The following WDFY3 variants were observed in gnomAD, a reference collection of about 807,000 sequenced individuals.
WDFY3 encodes the protein WD repeat and FYVE domain containing 3, also known as WD repeat and FYVE domain-containing protein 3.
A neutral mutation model predicts 409.6 loss-of-function variants in WDFY3; 66 were observed. The observed-to-expected ratio is 0.16, with a 90% CI of 0.13 to 0.20. The LOEUF is 0.20. Ranked by LOEUF, WDFY3 falls within the 10% of genes least tolerant of loss-of-function variation. The probability of loss-of-function intolerance (pLI) is 1.00; values close to 1 mark genes in which losing one functional copy is unlikely to be tolerated. For synonymous variants in WDFY3, 1,521 were observed against 1,537.1 expected, an observed-to-expected ratio of 0.99 and a Z score of 0.25; for missense variants, 3,031 against 4,298.1, an observed-to-expected ratio of 0.71 and a Z score of 8.24.
At chr4:84,754,932 C>T (rs1485091237) in intron 34 of WDFY3, among the ~76,000 whole-genome samples, 1 of 152,052 alleles carries the variant, frequency 6.6e-6, no homozygotes, top group Non-Finnish European at 1.5e-5. Flanking sequence ...TGTGTATACA[C>T]TATCTTATTA....
chr4:84,801,987 G>T (rs751432887), intron 16 of WDFY3, 123 bp from the exon 17 acceptor site: 66 of 940,868 alleles, frequency 7.0e-5, no homozygotes, highest in South Asian at 3.5e-4. Context: ...CGCTCTTGTT[G>T]TCCAGGCTGG....
chr4:84,922,036 C>T (rs953256822), intron 2 of WDFY3, among the ~76,000 whole-genome samples: 2 of 151,718 alleles, frequency 1.3e-5, no homozygotes, highest in Admixed American at 6.6e-5. Flanking sequence ...AAAATATACA[C>T]ATATATAGCA....
chr4:84,676,596 GAA>G (rs545145767), intron 67 of WDFY3, among the ~76,000 whole-genome samples: 1 of 130,250 alleles, frequency 7.7e-6, no homozygotes, highest in African/African-American at 2.8e-5. Flanking sequence ...GATAAAAATA[GAA>G]AAAAAAAAAC....
intron 32 of WDFY3, among the ~76,000 whole-genome samples, chr4:84,761,368 T>C (rs1742561896): frequency 6.6e-6 from 1 of 152,172 alleles, no homozygotes; most frequent in East Asian, 1.9e-4. Flanking sequence ...CCTTGTTGAC[T>C]TCCTGTCTCC....
At position 84,684,034 on chromosome 4, in the gene WDFY3, C is replaced by A; in HGVS notation, c.9635G>T (p.Ser3212Ile). The change falls in exon 63 of 68, where the codon AGC becomes ATC. Residue 3212 changes from serine (S) to isoleucine (I), a missense_variant. Physicochemically the swap from Ser to Ile is moderately radical, Grantham distance 142. Coordinates refer to ENST00000295888, the MANE Select transcript of WDFY3 (RefSeq NM_014991.6). The part of the protein sequence containing the change: ...IVSVNTFTGR[S>I]QQIICCCMSE... ...CATGCAGCAGCAGATGATCTGCTGGCTCCTACCTGTGAACGTGTTGACACT... is the reference window on the plus strand; with the variant it reads ...CATGCAGCAGCAGATGATCTGCTGGATCCTACCTGTGAACGTGTTGACACT... 6.2e-7 allele frequency: 1 copy of A among 1,613,874 alleles called. No homozygotes were observed. The highest frequency in any genetic ancestry group is 2.2e-5 in the East Asian group (1 of 44,874).
chr4:84,857,360 C>G (rs1393053711), intron 4 of WDFY3, among the ~76,000 whole-genome samples: 1 of 152,076 alleles, frequency 6.6e-6, no homozygotes, highest in Non-Finnish European at 1.5e-5. Context: ...GGAAGCCTAA[C>G]TGATAAAATA....
At chr4:84,927,237 G>A (rs559994805) in intron 2 of WDFY3, among the ~76,000 whole-genome samples, 18 of 152,060 alleles carry the variant, frequency 1.2e-4, no homozygotes, top group Non-Finnish European at 1.9e-4. Flanking sequence ...ACCTAATGAA[G>A]TTTTTAAAAA....
At chr4:84,933,310 G>A (rs773795669) in intron 1 of WDFY3, among the ~76,000 whole-genome samples, 39 of 152,142 alleles carry the variant, frequency 2.6e-4, no homozygotes, top group Middle Eastern at 3.4e-3. Flanking sequence ...TAATAACCTA[G>A]TTTTGCTGGT....
intron 35 of WDFY3, among the ~76,000 whole-genome samples, 197 bp from the exon 36 acceptor site, chr4:84,751,913 T>C (rs1012118791): frequency 6.6e-5 from 10 of 152,162 alleles, no homozygotes; most frequent in Non-Finnish European, 1.2e-4. Flanking sequence ...ACGCAACATA[T>C]GGTGTTTCTG....
At chr4:84,712,823 G>C (rs1272972561) in intron 51 of WDFY3, among the ~76,000 whole-genome samples, 1 of 152,118 alleles carries the variant, frequency 6.6e-6, no homozygotes, top group African/African-American at 2.4e-5. Context: ...TTATGTTTCT[G>C]AATAGTTTTT....
chr4:84,772,779 A>C (rs1299853036), intron 30 of WDFY3, 56 bp downstream of exon 30: 1 of 1,423,918 alleles, frequency 7.0e-7, no homozygotes, highest in East Asian at 2.4e-5. Flanking sequence ...GCCAGAAGAA[A>C]AAAGGCATAA....
At chr4:84,852,341 A>C (rs1759146735) in intron 4 of WDFY3, among the ~76,000 whole-genome samples, 1 of 152,222 alleles carries the variant, frequency 6.6e-6, no homozygotes, top group African/African-American at 2.4e-5. Context: ...TTTCCACTTA[A>C]TATTTTCAGA....
At chr4:84,762,198 G>T (rs1374836876) in intron 32 of WDFY3, among the ~76,000 whole-genome samples, 1 of 151,516 alleles carries the variant, frequency 6.6e-6, no homozygotes, top group African/African-American at 2.4e-5. Flanking sequence ...CAATAGCAAA[G>T]ACTTGGAACC....
intron 17 of WDFY3, 121 bp downstream of exon 17, chr4:84,801,529 G>T (rs1034807336): frequency 2.1e-6 from 2 of 974,632 alleles, no homozygotes; most frequent in African/African-American, 1.7e-5. Context: ...GTCCATTTTT[G>T]TTATATTTTG....
intron 1 of WDFY3, among the ~76,000 whole-genome samples, chr4:84,955,894 T>C (rs1774179906): frequency 6.6e-6 from 1 of 152,214 alleles, no homozygotes; most frequent in African/African-American, 2.4e-5. Flanking sequence ...ATTCAACTTA[T>C]AAAGTGAAAT....
intron 24 of WDFY3, among the ~76,000 whole-genome samples, chr4:84,785,021 A>C (rs1747304140): frequency 6.6e-6 from 1 of 151,726 alleles, no homozygotes; most frequent in South Asian, 2.1e-4. Flanking sequence ...CATTGGCCTC[A>C]TAACTTGTCT....
At chr4:84,903,545 C>G (rs973732950) in intron 2 of WDFY3, among the ~76,000 whole-genome samples, 2 of 152,082 alleles carry the variant, frequency 1.3e-5, no homozygotes, top group Non-Finnish European at 2.9e-5. Flanking sequence ...GTCTCAAACT[C>G]CTGGTTTCAA....
intron 3 of WDFY3, among the ~76,000 whole-genome samples, chr4:84,877,559 A>G (rs1302191649): frequency 6.6e-6 from 1 of 152,122 alleles, no homozygotes; most frequent in Non-Finnish European, 1.5e-5. Flanking sequence ...TTGGCTTCCC[A>G]AAGAGTTGGA....
chr4:84,743,940 T>C (rs936125015), intron 36 of WDFY3, 141 bp from the exon 37 acceptor site: 34 of 423,738 alleles, frequency 8.0e-5, no homozygotes, highest in Non-Finnish European at 5.5e-5. Context: ...AGAGATGGTA[T>C]ACATGCTATG....
Sources: gnomAD v4.1 joint callset for allele counts (sites outside exome capture counted in the v4.1 genomes callset) on GRCh38, gnomAD v4.1.1 for gene constraint, MANE v1.5 for transcripts, NCBI Gene and HGNC (gene_info 2026-07-23, HGNC 2026-07-21) for gene names.